VAV2: variants seen among roughly 807,000 people sequenced by gnomAD.
VAV2 encodes guanine nucleotide exchange factor VAV2.
In VAV2, 67 loss-of-function variants were observed where a neutral mutation model predicts 132.5. The ratio of observed to expected loss-of-function variants is 0.51; its 90% CI spans 0.42 to 0.62. VAV2 has a LOEUF of 0.62. Among genes scored for constraint, VAV2 ranks in the 20% least tolerant of loss-of-function variants. The pLI, the probability that VAV2 is intolerant of heterozygous loss-of-function variation, is 0.00. For synonymous variants in VAV2, 492 were observed against 443.5 expected, an observed-to-expected ratio of 1.11 and a Z score of -1.37; for missense variants, 938 against 1,153.6, an observed-to-expected ratio of 0.81 and a Z score of 2.71.
intron 2 of VAV2, among the ~76,000 whole-genome samples, chr9:133,899,025 G>T (rs920649072): frequency 6.6e-6 from 1 of 151,790 alleles, no homozygotes; most frequent in Admixed American, 6.6e-5. Flanking sequence ...GTTTCACCAC[G>T]TTAGCCAGGA....
At chr9:133,774,565 G>A (rs141898912) in intron 25 of VAV2, among the ~76,000 whole-genome samples, 37 of 152,326 alleles carry the variant, frequency 2.4e-4, no homozygotes, top group East Asian at 5.8e-4. Flanking sequence ...AGAGCAGCAC[G>A]ACAGGTCCAC....
chr9:133,786,707 G>A (rs749031552), intron 16 of VAV2, among the ~76,000 whole-genome samples: 5 of 152,238 alleles, frequency 3.3e-5, no homozygotes, highest in African/African-American at 1.2e-4. Context: ...CCCCTTCCCT[G>A]CCTCCCCTTC....
chr9:133,942,415 G>T (rs771659133), intron 1 of VAV2, among the ~76,000 whole-genome samples: 2 of 152,240 alleles, frequency 1.3e-5, no homozygotes, highest in Non-Finnish European at 2.9e-5. Flanking sequence ...ATAAGGTTCT[G>T]CTGCTTAAAG....
intron 24 of VAV2, 108 bp downstream of exon 24, chr9:133,775,920 G>C: frequency 7.1e-7 from 1 of 1,404,094 alleles, no homozygotes. Context: ...GCAGCCTGGG[G>C]CCTCCACCCT....
At chr9:133,801,883 G>A (rs1318218222) in intron 9 of VAV2, among the ~76,000 whole-genome samples, 1 of 152,202 alleles carries the variant, frequency 6.6e-6, no homozygotes, top group Non-Finnish European at 1.5e-5. Flanking sequence ...TGAAGCCTCT[G>A]CAGGAAGCAT....
Position 133,794,483 on chromosome 9 carries a change from G to A in VAV2, c.1101+1185C>T, listed in dbSNP as rs887020737. 2.6e-5 allele frequency among the ~76,000 whole-genome samples: 4 copies of A among 152,194 alleles called. No individual in the cohort carries two copies. The highest frequency in any genetic ancestry group is 6.5e-5 in the Admixed American group (1 of 15,274). On this transcript the variant is annotated intron_variant, in intron 12 of 29. Coordinates refer to ENST00000371850, the MANE Select transcript of VAV2 (RefSeq NM_001134398.2). The surrounding 1 kb of genome is among the most constrained non-coding windows in gnomAD (Gnocchi z 4.6). ...CTCTTAGCACCGGCGGCCAAGCACT[G>A]GCCCCACTCCCGTCCCAGCCCAACA...
intron 3 of VAV2, among the ~76,000 whole-genome samples, chr9:133,837,514 C>T (rs144466059): frequency 1.6e-3 from 236 of 152,060 alleles, no homozygotes; most frequent in African/African-American, 5.2e-3. Flanking sequence ...CTGACCAATA[C>T]GGTGAAACCC....
At chr9:133,844,851 T>G (rs546824265) in intron 3 of VAV2, among the ~76,000 whole-genome samples, 1 of 152,296 alleles carries the variant, frequency 6.6e-6, no homozygotes, top group Admixed American at 6.5e-5. Flanking sequence ...GCTTCCAGAC[T>G]CCAGGCCTGC....
At chr9:133,799,355 T>C (rs886749035) in intron 9 of VAV2, among the ~76,000 whole-genome samples, 1 of 152,182 alleles carries the variant, frequency 6.6e-6, no homozygotes, top group African/African-American at 2.4e-5. Flanking sequence ...GTCCAGTGAC[T>C]GGTACTTCCT....
intron 1 of VAV2, among the ~76,000 whole-genome samples, chr9:133,979,143 G>C (rs932441458): frequency 6.6e-6 from 1 of 152,200 alleles, no homozygotes; most frequent in South Asian, 2.1e-4. Flanking sequence ...TCGGAGAGGC[G>C]AGCTCATGGC....
intron 2 of VAV2, among the ~76,000 whole-genome samples, chr9:133,924,962 C>A (rs987362974): frequency 6.6e-6 from 1 of 152,190 alleles, no homozygotes; most frequent in East Asian, 1.9e-4. Flanking sequence ...AAGAAGCCGA[C>A]GCTAAAGGCC....
chr9:133,830,380 G>A (rs1836217425), intron 4 of VAV2, among the ~76,000 whole-genome samples: 1 of 152,132 alleles, frequency 6.6e-6, no homozygotes, highest in Non-Finnish European at 1.5e-5. Flanking sequence ...GCTGTGGGAG[G>A]GACCTGGAAG....
chr9:133,784,583 C>T (rs536009279), intron 17 of VAV2, among the ~76,000 whole-genome samples, 165 bp from the exon 18 acceptor site: 1 of 152,272 alleles, frequency 6.6e-6, no homozygotes, highest in South Asian at 2.1e-4. Context: ...AGACTCAGGG[C>T]CCAGACTCCC....
At chr9:133,941,599 A>G (rs370945623) in intron 1 of VAV2, among the ~76,000 whole-genome samples, 92 of 42,490 alleles carry the variant, frequency 2.2e-3, no homozygotes, top group African/African-American at 6.8e-3. Flanking sequence ...GTGTGAGTCC[A>G]CTTTTTTTTG....
At chr9:133,975,366 C>T (rs1174603422) in intron 1 of VAV2, among the ~76,000 whole-genome samples, 1 of 152,246 alleles carries the variant, frequency 6.6e-6, no homozygotes, top group African/African-American at 2.4e-5. Flanking sequence ...TGGCCTCCCA[C>T]ACTTGGCTTA....
rs1429046800 is a variant in VAV2, at chr9:133,840,916, G to T, written c.381-6576C>A. 6.6e-6 allele frequency among the ~76,000 whole-genome samples: 1 copy of T among 152,114 alleles called. No individual in the cohort carries two copies. Among genetic ancestry groups the T allele is most frequent in the African/African-American group, 2.4e-5 (1 of 41,432 alleles). ...GGGAGGGGCACATTGGACGCGCAGG[G>T]GTCTCCAAGCTGAGGGTAGCAAGCA... On this transcript the variant is annotated intron_variant, in intron 3 of 29. Coordinates refer to ENST00000371850, the MANE Select transcript of VAV2 (RefSeq NM_001134398.2). The surrounding 1 kb of genome is among the most constrained non-coding windows in gnomAD (Gnocchi z 4.5).
chr9:133,764,209 G>A, intron 29 of VAV2, 100 bp from the exon 30 acceptor site: 1 of 1,481,700 alleles, frequency 6.7e-7, no homozygotes, highest in Non-Finnish European at 9.3e-7. Flanking sequence ...GGCTCATGAA[G>A]ATGGGGGGCC....
chr9:133,956,536 T>C (rs1226740409), intron 1 of VAV2, among the ~76,000 whole-genome samples: 1 of 152,212 alleles, frequency 6.6e-6, no homozygotes, highest in Non-Finnish European at 1.5e-5. Flanking sequence ...TATCTCAGCT[T>C]TGGGTTGGGT....
At chr9:133,914,365 C>T (rs1564461157) in intron 2 of VAV2, among the ~76,000 whole-genome samples, 1 of 151,758 alleles carries the variant, frequency 6.6e-6, no homozygotes, top group Non-Finnish European at 1.5e-5. Context: ...ATGTAGACAC[C>T]CCAAATGTTC....
Sources: gnomAD v4.1 joint callset for allele counts (sites outside exome capture counted in the v4.1 genomes callset) on GRCh38, gnomAD v4.1.1 for gene constraint, Gnocchi (gnomAD v3.1) non-coding constraint, MANE v1.5 for transcripts, NCBI Gene and HGNC (gene_info 2026-07-23, HGNC 2026-07-21) for gene names.